The following PPFIA2 variants were observed in gnomAD, a reference collection of about 807,000 sequenced individuals.
The protein encoded by PPFIA2 is PPFI scaffold protein A2.
PPFIA2 carries 46 observed loss-of-function variants against 175.5 expected under a neutral mutation model. The observed-to-expected ratio is 0.26, with a 90% CI of 0.21 to 0.34. The LOEUF (loss-of-function observed/expected upper bound fraction) is 0.34. PPFIA2 is among the 10% of genes least tolerant of loss of function. The pLI is 1.00. For missense variants in PPFIA2, 1,179 were observed against 1,506.1 expected (o/e 0.78, Z 3.60); for synonymous variants, 568 against 511.4 (o/e 1.11, Z -1.49).
chr12:81,691,089 C>A (rs2153587438), intron 3 of PPFIA2, among the ~76,000 whole-genome samples: 1 of 152,182 alleles, frequency 6.6e-6, no homozygotes, highest in Middle Eastern at 3.4e-3. Flanking sequence ...ATATAAGATG[C>A]AGACATTTTG....
intron 4 of PPFIA2, among the ~76,000 whole-genome samples, chr12:81,642,174 T>G (rs923174655): frequency 2.4e-4 from 37 of 152,178 alleles, no homozygotes; most frequent in African/African-American, 8.7e-4. Flanking sequence ...ATTATATATA[T>G]TTTATCTCAA....
chr12:81,758,295 A>C (rs1421363105), intron 2 of PPFIA2, 105 bp downstream of exon 2: 2 of 436,556 alleles, frequency 4.6e-6, no homozygotes, highest in South Asian at 1.6e-5. Context: ...GTAATCAACA[A>C]GGAGGAATTT....
intron 4 of PPFIA2, among the ~76,000 whole-genome samples, chr12:81,557,095 G>A (rs993832837): frequency 6.6e-6 from 1 of 151,352 alleles, no homozygotes; most frequent in Non-Finnish European, 1.5e-5. Flanking sequence ...TAAACAGGAA[G>A]TATTTATCAG....
chr12:81,461,915 T>C (rs1019046420), intron 4 of PPFIA2, among the ~76,000 whole-genome samples: 6 of 152,024 alleles, frequency 3.9e-5, no homozygotes, highest in African/African-American at 1.4e-4. Context: ...GTTCGTCTCC[T>C]CCACCTAAAC....
intron 3 of PPFIA2, among the ~76,000 whole-genome samples, 192 bp downstream of exon 3, chr12:81,753,781 C>T (rs2084222112): frequency 6.6e-6 from 1 of 152,184 alleles, no homozygotes; most frequent in African/African-American, 2.4e-5. Context: ...AACCCCCAAC[C>T]ACCATCAGTA....
chr12:81,592,867 G>A (rs189348876), intron 4 of PPFIA2, among the ~76,000 whole-genome samples: 13 of 151,964 alleles, frequency 8.6e-5, no homozygotes, highest in African/African-American at 2.2e-4. Context: ...GTGATCCTCC[G>A]ACCTCAGTCT....
At position 81,519,854 on chromosome 12, in the gene PPFIA2, G is replaced by A. The variant is rs149109531; in HGVS notation, c.304-61988C>T. 8.4e-4 allele frequency among the ~76,000 whole-genome samples: 128 copies of A among 152,254 alleles called. 1 individual carries two copies. The highest frequency in any genetic ancestry group is 3.4e-3 in the Middle Eastern group (1 of 294). On this transcript the variant is annotated intron_variant, in intron 4 of 32. Transcript: ENST00000549396. ...GATCCCCAGTAAATGTCTGAAAACA[G>A]GTAGTACCAAATTTTATATATGTCT...
At chr12:81,441,285 G>A (rs2050132390) in intron 6 of PPFIA2, among the ~76,000 whole-genome samples, 1 of 151,828 alleles carries the variant, frequency 6.6e-6, no homozygotes, top group Non-Finnish European at 1.5e-5. Flanking sequence ...TTTTAGTATT[G>A]TATTACAATA....
In PPFIA2 at chr12:81,623,226, T is replaced by C. The variant is rs577277789; in HGVS notation, c.303+53565A>G. Among the ~76,000 whole-genome samples the C allele has an allele frequency of 2.2e-4, 34 of 152,172 alleles. No individual in the cohort carries two copies. In the South Asian group the frequency reaches 4.8e-3, roughly 21 times the overall value. On this transcript the variant is annotated intron_variant, in intron 4 of 32. Transcript: ENST00000549396. ...AGAAGTGTGACTAGGAAAATAATCT[T>C]GTACGGTCCCTCAAGAGGAATATGC...
chr12:81,594,526 A>T (rs2059034477), intron 4 of PPFIA2, among the ~76,000 whole-genome samples: 1 of 152,170 alleles, frequency 6.6e-6, no homozygotes, highest in South Asian at 2.1e-4. Flanking sequence ...TTTGTATGTG[A>T]TAGTAACACA....
At chr12:81,675,496 CAG>C (rs2072333013) in intron 4 of PPFIA2, 1 of 151,930 alleles carries the variant, frequency 6.6e-6, no homozygotes, top group Admixed American at 6.6e-5. Flanking sequence ...TAGCAGAAGA[CAG>C]ATATTTTATT....
At chr12:81,651,819 A>G (rs564238901) in intron 4 of PPFIA2, among the ~76,000 whole-genome samples, 2 of 152,260 alleles carry the variant, frequency 1.3e-5, no homozygotes, top group East Asian at 3.9e-4. Context: ...TATCTCACAT[A>G]ACCACAATAT....
At chr12:81,316,842 G>C (rs1242239661) in intron 22 of PPFIA2, among the ~76,000 whole-genome samples, 1 of 151,504 alleles carries the variant, frequency 6.6e-6, no homozygotes, top group Non-Finnish European at 1.5e-5. Flanking sequence ...GATATTCTAA[G>C]TGCAGTTGAG....
At chr12:81,651,269 C>T (rs1179902099) in intron 4 of PPFIA2, among the ~76,000 whole-genome samples, 1 of 152,048 alleles carries the variant, frequency 6.6e-6, no homozygotes, top group Non-Finnish European at 1.5e-5. Flanking sequence ...TTTAAGTTCC[C>T]CCAAGGAGCT....
At chr12:81,693,027 T>G (rs527523988) in intron 3 of PPFIA2, among the ~76,000 whole-genome samples, 2 of 152,152 alleles carry the variant, frequency 1.3e-5, no homozygotes, top group South Asian at 4.1e-4. Flanking sequence ...TGATTTATAC[T>G]TTTTTAAACC....
At chr12:81,583,070 G>T (rs1042842916) in intron 4 of PPFIA2, among the ~76,000 whole-genome samples, 1 of 151,864 alleles carries the variant, frequency 6.6e-6, no homozygotes, top group Admixed American at 6.6e-5. Context: ...CTGCCAATAC[G>T]TATTTCCATT....
chr12:81,347,694 C>T lies in PPFIA2; in HGVS notation c.2071G>A (p.Glu691Lys), dbSNP rs558135624. Residue 691 changes from glutamate (E) to lysine (K), a missense_variant, in exon 18 of 33, where the codon GAA becomes AAA. Physicochemically the swap from Glu to Lys is moderately conservative, Grantham distance 56 (BLOSUM62 1). Around this residue, in one of 10 missense-constraint regions of PPFIA2, gnomAD observed 223 missense variants for 241.6 expected, o/e 0.92. Transcript: ENST00000549396. ...IENRVASVSL[E>K]GLNLARVHPG... ...TGGACCCTTGCCAAATTCAGGCCTT[C>T]GAGGCTCACACTAGCCACTCTATTT... is the stretch of plus-strand genomic sequence containing the variant. 4 of 1,613,780 alleles carry T rather than the reference C, an allele frequency of 2.5e-6. No homozygotes were observed. Among genetic ancestry groups the T allele is most frequent in the South Asian group, 1.1e-5 (1 of 91,078 alleles).
chr12:81,283,412 A>G (rs1390827254), intron 25 of PPFIA2, among the ~76,000 whole-genome samples: 1 of 152,044 alleles, frequency 6.6e-6, no homozygotes, highest in Non-Finnish European at 1.5e-5. Flanking sequence ...ATCTTATACA[A>G]AGTAAATTAG....
intron 8 of PPFIA2, among the ~76,000 whole-genome samples, chr12:81,397,659 T>C (rs2041378786): frequency 1.3e-5 from 2 of 151,970 alleles, no homozygotes; most frequent in African/African-American, 4.8e-5. Context: ...TAGGGAAACT[T>C]TGTATATTAT....
Sources: gnomAD v4.1 joint callset for allele counts (sites outside exome capture counted in the v4.1 genomes callset) on GRCh38, gnomAD v4.1.1 for gene constraint, gnomAD v4.1.1 regional missense constraint, MANE v1.5 for transcripts, NCBI Gene and HGNC (gene_info 2026-07-23, HGNC 2026-07-21) for gene names.